KYAT1: variants seen among roughly 807,000 people sequenced by gnomAD.
KYAT1 encodes the protein kynurenine--oxoglutarate transaminase 1.
In KYAT1, 47 loss-of-function variants were observed where a neutral mutation model predicts 52.4. That is an observed-to-expected ratio of 0.90 (90% CI 0.71 to 1.14). The LOEUF (loss-of-function observed/expected upper bound fraction) is 1.14, where lower values mean the gene tolerates loss of function less well. Ranked by LOEUF, KYAT1 falls within the 50% of genes most tolerant of loss-of-function variation. KYAT1 has a pLI of 0.00. For synonymous variants in KYAT1, 212 were observed against 209.6 expected (o/e 1.01, Z -0.10); for missense variants, 480 against 557.9 (o/e 0.86, Z 1.41).
chr9:128,860,790 T>C (rs1469115610), intron 1 of KYAT1, among the ~76,000 whole-genome samples: 1 of 152,134 alleles, frequency 6.6e-6, no homozygotes, highest in East Asian at 1.9e-4. Flanking sequence ...CTCGAACTCC[T>C]GACCTTAGGT....
intron 1 of KYAT1, among the ~76,000 whole-genome samples, chr9:128,880,154 G>A (rs888011913): frequency 7.2e-5 from 11 of 152,258 alleles, no homozygotes; most frequent in East Asian, 1.9e-4. Flanking sequence ...TTTTACAGGC[G>A]GGGACATGGA....
chr9:128,865,888 C>T lies in KYAT1; in HGVS notation c.-7+16009G>A, dbSNP rs111457344. Among the ~76,000 whole-genome samples the T allele has an allele frequency of 3.3e-3, 506 of 152,308 alleles. 9 individuals carry two copies. Among genetic ancestry groups the T allele is most frequent in the African/African-American group, 0.011 (470 of 41,560 alleles). On this transcript the variant is annotated intron_variant, in intron 1 of 12. Coordinates refer to ENST00000302586, the MANE Select transcript of KYAT1 (RefSeq NM_004059.5). ...TTTTTCTCATCCTAATAGGCTGGCTCTTCCAATGGGCGTTATGCACCTGGC... is the reference window on the plus strand; with the variant it reads ...TTTTTCTCATCCTAATAGGCTGGCTTTTCCAATGGGCGTTATGCACCTGGC...
Position 128,833,292 on chromosome 9 carries a change from G to C in KYAT1, c.*292C>G. ...GGTACATGGTGGAAGTCTACCGTCC[G>C]TCTCAGCCAAGCCTGGAGAGACCAG... On this transcript the variant is annotated 3_prime_UTR_variant, in exon 13 of 13. Coordinates refer to ENST00000302586, the MANE Select transcript of KYAT1 (RefSeq NM_004059.5). 1.8e-6 allele frequency: 1 copy of C among 548,178 alleles called. No individual in the cohort carries two copies. Among genetic ancestry groups the C allele is most frequent in the Non-Finnish European group, 3.3e-6 (1 of 305,610 alleles). The allele number at this position is 548,178 out of a possible 1,614,324, so 34.0% of individuals were successfully genotyped here. A position where few individuals can be genotyped will look rare whatever the true frequency, so the allele number is the denominator to read the frequency against.
At chr9:128,835,154 A>C in intron 11 of KYAT1, 169 bp downstream of exon 11, 1 of 654,654 alleles carries the variant, frequency 1.5e-6, no homozygotes, top group Non-Finnish European at 2.7e-6. Flanking sequence ...AAAAAAAGAA[A>C]GAAAAAAAGA....
upstream of KYAT1, chr9:128,882,148 G>A (rs542193594): frequency 3.9e-5 from 6 of 152,528 alleles, no homozygotes; most frequent in Admixed American, 1.3e-4. Flanking sequence ...GTGCAGTGAG[G>A]GACAAACAAA....
intron 1 of KYAT1, among the ~76,000 whole-genome samples, chr9:128,880,148 A>C (rs1328165051): frequency 6.6e-6 from 1 of 152,234 alleles, no homozygotes; most frequent in African/African-American, 2.4e-5. Flanking sequence ...TGTTCATTTT[A>C]CAGGCGGGGA....
At chr9:128,853,161 C>G (rs1264679639) in intron 1 of KYAT1, among the ~76,000 whole-genome samples, 1 of 152,160 alleles carries the variant, frequency 6.6e-6, no homozygotes, top group African/African-American at 2.4e-5. Context: ...AAACAAGGAA[C>G]AGGTTAGACA....
chr9:128,862,673 G>A (rs1429613151), intron 1 of KYAT1, among the ~76,000 whole-genome samples: 1 of 152,204 alleles, frequency 6.6e-6, no homozygotes, highest in Non-Finnish European at 1.5e-5. Flanking sequence ...AAGCTGGGTG[G>A]CACCTGTGCT....
At chr9:128,834,611 G>T (rs1830671541) in intron 11 of KYAT1, among the ~76,000 whole-genome samples, 2 of 149,422 alleles carry the variant, frequency 1.3e-5, no homozygotes, top group South Asian at 4.2e-4. Context: ...ATCATCTGAG[G>T]TCAGGAGTTG....
intron 1 of KYAT1, among the ~76,000 whole-genome samples, chr9:128,879,283 CTGGGCGACAG>C (rs1838473153): frequency 4.6e-5 from 7 of 151,618 alleles, no homozygotes; most frequent in Admixed American, 4.6e-4. Context: ...GCACTCCAGC[CTGGGCGACAG>C]AGTGAGACTC....
chr9:128,852,908 G>C (rs1834127167), intron 1 of KYAT1, among the ~76,000 whole-genome samples: 1 of 152,140 alleles, frequency 6.6e-6, no homozygotes. Context: ...AAAAAATTCG[G>C]TCAGCACAAG....
upstream of KYAT1, chr9:128,882,202 G>C (rs1839055868): frequency 6.5e-6 from 1 of 153,204 alleles, no homozygotes; most frequent in East Asian, 1.9e-4. Flanking sequence ...GGGACGGAGC[G>C]GCCGGGGCCT....
In KYAT1 at chr9:128,842,779, T is replaced by C. The variant is rs534556491; in HGVS notation, c.76A>G (p.Ser26Gly). The change falls in exon 3 of 13, where the codon AGT becomes GGT. Residue 26 changes from serine to glycine, a missense_variant. Ser to Gly is a moderately conservative substitution (Grantham distance 56). Transcript: ENST00000302586. The part of the protein sequence containing the change: ...NPWVEFVKLA[S>G]EHDVVNLGQG... ...CCCAAGTTCACGACGTCATGCTCAC[T>C]GGCCAGTTTCACAAACTCCACCCTG... 2 of 1,614,022 alleles carry C rather than the reference T, an allele frequency of 1.2e-6. No homozygotes were observed. The highest frequency in any genetic ancestry group is 1.3e-5 in the African/African-American group (1 of 75,054).
At chr9:128,837,599 C>CG in intron 6 of KYAT1, 86 bp downstream of exon 6, 8 of 1,492,886 alleles carry the variant, frequency 5.4e-6, no homozygotes, top group Non-Finnish European at 7.4e-6. Flanking sequence ...AACGAAGAAA[C>CG]GGAGGCCCCA....
intron 2 of KYAT1, among the ~76,000 whole-genome samples, chr9:128,844,521 AT>A (rs1456176909): frequency 3.3e-5 from 5 of 150,858 alleles, no homozygotes; most frequent in African/African-American, 1.2e-4. Context: ...TCTACTAAAA[AT>A]ACAAAAAAAA....
intron 6 of KYAT1, among the ~76,000 whole-genome samples, 175 bp from the exon 7 acceptor site, chr9:128,837,097 C>T (rs750441617): frequency 2.8e-4 from 43 of 152,146 alleles, no homozygotes; most frequent in Non-Finnish European, 5.6e-4. Flanking sequence ...AGTTTAAGAC[C>T]AGCCTGGCCA....
At chr9:128,871,623 T>C (rs1365921222) in intron 1 of KYAT1, among the ~76,000 whole-genome samples, 1 of 146,790 alleles carries the variant, frequency 6.8e-6, no homozygotes, top group Admixed American at 6.8e-5. Context: ...CAGCTGGGAG[T>C]ATTGCTTGAG....
In KYAT1 at chr9:128,833,440, C is replaced by T; in HGVS notation, c.*144G>A. The stretch of plus-strand genomic sequence containing the variant: ...AAGATGAAGAAGGGCGGCTCCCACC[C>T]AGAACATTCTGTGTCACGGAGAAGA... On this transcript the variant is annotated 3_prime_UTR_variant, in exon 13 of 13. Transcript: ENST00000302586. 1 of 842,850 alleles carries T rather than the reference C, an allele frequency of 1.2e-6. No individual in the cohort carries two copies. The allele number at this position is 842,850 out of a possible 1,614,324, so 52.2% of individuals were successfully genotyped here.
chr9:128,849,994 C>T (rs1218426643), intron 1 of KYAT1, among the ~76,000 whole-genome samples: 2 of 148,254 alleles, frequency 1.3e-5, no homozygotes, highest in African/African-American at 4.9e-5. Flanking sequence ...AAGTGATTCT[C>T]CTGCCTCAGC....
Sources: gnomAD v4.1 joint callset for allele counts (sites outside exome capture counted in the v4.1 genomes callset) on GRCh38, gnomAD v4.1.1 for gene constraint, MANE v1.5 for transcripts, NCBI Gene and HGNC (gene_info 2026-07-23, HGNC 2026-07-21) for gene names.